The following PPP2R3A variants were observed in gnomAD, a reference collection of about 807,000 sequenced individuals.
The protein encoded by PPP2R3A is serine/threonine-protein phosphatase 2A regulatory subunit B'' subunit alpha.
Under a neutral mutation model 106.9 loss-of-function variants are expected in PPP2R3A, and 80 were observed. That is an observed-to-expected ratio of 0.75 (90% CI 0.62 to 0.90). PPP2R3A has a LOEUF of 0.90. PPP2R3A is among the 40% of genes least tolerant of loss of function. The pLI, the probability that PPP2R3A is intolerant of heterozygous loss-of-function variation, is 0.00. For missense variants in PPP2R3A, 1,386 were observed against 1,350.4 expected (o/e 1.03, Z -0.41); for synonymous variants, 483 against 468.3 (o/e 1.03, Z -0.41).
chr3:136,137,461 C>T (rs1938663471), intron 13 of PPP2R3A, among the ~76,000 whole-genome samples: 1 of 144,080 alleles, frequency 6.9e-6, no homozygotes, highest in Non-Finnish European at 1.5e-5. Flanking sequence ...CAGATTAGAA[C>T]TGTTTTCTAT....
chr3:136,077,334 C>T (rs1936630195), intron 6 of PPP2R3A, among the ~76,000 whole-genome samples: 1 of 152,154 alleles, frequency 6.6e-6, no homozygotes, highest in Non-Finnish European at 1.5e-5. Context: ...GTGGTTTAGT[C>T]CCTCATTAGG....
intron 13 of PPP2R3A, among the ~76,000 whole-genome samples, chr3:136,119,824 G>C: frequency 6.6e-6 from 1 of 152,192 alleles, no homozygotes; most frequent in East Asian, 1.9e-4. Flanking sequence ...TCTAGAACTA[G>C]AAATACCGTT....
At chr3:136,111,458 T>C (rs1460474682) in intron 13 of PPP2R3A, among the ~76,000 whole-genome samples, 4 of 152,162 alleles carry the variant, frequency 2.6e-5, no homozygotes, top group African/African-American at 9.6e-5. Flanking sequence ...AGTACATTAA[T>C]CAGCATTCTT....
intron 13 of PPP2R3A, among the ~76,000 whole-genome samples, chr3:136,123,154 G>A (rs941448996): frequency 3.9e-5 from 6 of 152,038 alleles, no homozygotes; most frequent in African/African-American, 1.4e-4. Flanking sequence ...AGTTCCCATG[G>A]CATAATAAGG....
At chr3:136,032,534 T>TTTA (rs1934935819) in intron 3 of PPP2R3A, among the ~76,000 whole-genome samples, 1 of 149,996 alleles carries the variant, frequency 6.7e-6, no homozygotes, top group Non-Finnish European at 1.5e-5. Context: ...TTATTTATTT[T>TTTA]TTTTTTTTCC....
chr3:135,995,588 C>G lies in PPP2R3A; in HGVS notation c.-440-5471C>G, dbSNP rs545917601. Among the ~76,000 whole-genome samples, 84 of 151,556 alleles carry G rather than the reference C, an allele frequency of 5.5e-4. 1 individual carries two copies. Among genetic ancestry groups the G allele is most frequent in the African/African-American group, 1.5e-3 (60 of 41,316 alleles). On this transcript the variant is annotated intron_variant, in intron 1 of 13. Transcript: ENST00000264977. ...CCGGGTTCCTTTAATTCTCCTGCCTCAGCCTCCCAAGTTAGCTGGGATTAC... is the reference window on the plus strand; with the variant it reads ...CCGGGTTCCTTTAATTCTCCTGCCTGAGCCTCCCAAGTTAGCTGGGATTAC...
At chr3:136,144,835 T>C (rs564240829) in intron 13 of PPP2R3A, among the ~76,000 whole-genome samples, 3 of 152,294 alleles carry the variant, frequency 2.0e-5, no homozygotes, top group South Asian at 4.1e-4. Flanking sequence ...AATTCTGACA[T>C]GGACTTAAGC....
Position 136,102,080 on chromosome 3 carries a change from T to C in PPP2R3A, c.3001T>C (p.Tyr1001His), listed in dbSNP as rs1937376515. Residue 1001 changes from tyrosine to histidine, a missense_variant, in exon 11 of 14, where the codon TAT becomes CAT. Physicochemically the swap from Tyr to His is moderately conservative, Grantham distance 83. Coordinates refer to ENST00000264977, the MANE Select transcript of PPP2R3A (RefSeq NM_002718.5). ...VLSMYELEYF[Y>H]EEQCERMEAM... ...CTCCATGTATGAGCTGGAGTACTTC[T>C]ATGAGGAGCAGTGTGAACGGATGGA... 1 of 1,614,120 alleles carries C rather than the reference T, an allele frequency of 6.2e-7. No homozygotes were observed. Among genetic ancestry groups the C allele is most frequent in the Non-Finnish European group, 8.5e-7 (1 of 1,180,012 alleles).
rs144071297 is a variant in PPP2R3A, at chr3:136,090,189, G to A, written c.2838-389G>A. ...CCTTGTCTTGTTCTTGTTCTTAAGG[G>A]GATTGCTTCTAGCTTTTGTCCATTC... On this transcript the variant is annotated intron_variant, in intron 9 of 13. Transcript: ENST00000264977. 3.6e-3 allele frequency among the ~76,000 whole-genome samples: 548 copies of A among 152,164 alleles called. 5 individuals are homozygous for A. The highest frequency in any genetic ancestry group is 0.012 in the African/African-American group (505 of 41,516).
chr3:135,996,691 A>C (rs891507168), intron 1 of PPP2R3A, among the ~76,000 whole-genome samples: 3 of 152,172 alleles, frequency 2.0e-5, no homozygotes, highest in African/African-American at 7.2e-5. Flanking sequence ...AGATCAAGCT[A>C]GTCATTTGTA....
At chr3:136,007,088 T>G (rs1362405323) in intron 2 of PPP2R3A, among the ~76,000 whole-genome samples, 1 of 152,212 alleles carries the variant, frequency 6.6e-6, no homozygotes, top group Non-Finnish European at 1.5e-5. Context: ...TGATCTTCTC[T>G]TTTTCCATTC....
intron 3 of PPP2R3A, among the ~76,000 whole-genome samples, chr3:136,039,143 G>GA (rs2107842490): frequency 6.6e-6 from 1 of 152,288 alleles, no homozygotes; most frequent in South Asian, 2.1e-4. Context: ...CCTGTGCACT[G>GA]AAGTCTCACA....
chr3:136,082,241 A>G, intron 7 of PPP2R3A, 24 bp from the exon 8 acceptor site: 7 of 1,548,744 alleles, frequency 4.5e-6, no homozygotes, highest in Non-Finnish European at 6.2e-6. Context: ...TAATGTTTAA[A>G]TTCTTCTTTT....
chr3:136,052,913 A>G (rs2107869168), intron 5 of PPP2R3A, among the ~76,000 whole-genome samples: 1 of 152,374 alleles, frequency 6.6e-6, no homozygotes, highest in East Asian at 1.9e-4. Flanking sequence ...GAAATGGTAG[A>G]GAAAATCAAC....
chr3:136,055,569 C>G (rs912607189), intron 5 of PPP2R3A: 1 of 1,388,160 alleles, frequency 7.2e-7, no homozygotes, highest in Non-Finnish European at 1.0e-6. Context: ...CTTCACAGAG[C>G]GGGTCTTTCT....
intron 2 of PPP2R3A, among the ~76,000 whole-genome samples, chr3:136,008,841 G>T (rs1241858850): frequency 2.0e-5 from 3 of 151,914 alleles, no homozygotes; most frequent in Non-Finnish European, 4.4e-5. Flanking sequence ...AAGCCCACAG[G>T]CCTGTCCAAC....
At chr3:136,008,008 C>A (rs1480386950) in intron 2 of PPP2R3A, among the ~76,000 whole-genome samples, 2 of 91,552 alleles carry the variant, frequency 2.2e-5, no homozygotes, top group African/African-American at 6.0e-5. Context: ...AATAAAGAAC[C>A]TTCCTATGTT....
chr3:136,073,500 C>T (rs1193273703), intron 6 of PPP2R3A, among the ~76,000 whole-genome samples: 1 of 152,128 alleles, frequency 6.6e-6, no homozygotes, highest in East Asian at 1.9e-4. Flanking sequence ...GCTGCTTTAT[C>T]TCCAATGCAC....
chr3:135,979,016 T>C (rs1287132118), intron 1 of PPP2R3A, among the ~76,000 whole-genome samples: 1 of 151,886 alleles, frequency 6.6e-6, no homozygotes, highest in Admixed American at 6.5e-5. Flanking sequence ...GAAATTGCTT[T>C]ATCATATGTC....
Sources: gnomAD v4.1 joint callset for allele counts (sites outside exome capture counted in the v4.1 genomes callset) on GRCh38, gnomAD v4.1.1 for gene constraint, MANE v1.5 for transcripts, NCBI Gene and HGNC (gene_info 2026-07-23, HGNC 2026-07-21) for gene names.